The following YEATS2 variants were observed in gnomAD, a reference collection of about 807,000 sequenced individuals.
YEATS2 encodes the protein YEATS domain containing 2.
In YEATS2, 77 loss-of-function variants were observed where a neutral mutation model predicts 163.2. The observed-to-expected ratio is 0.47, with a 90% CI of 0.39 to 0.57. The LOEUF (loss-of-function observed/expected upper bound fraction) is 0.57, where lower values mean the gene tolerates loss of function less well. Among genes scored for constraint, YEATS2 ranks in the 20% least tolerant of loss-of-function variants. The pLI, the probability that YEATS2 is intolerant of heterozygous loss-of-function variation, is 0.00. For synonymous variants in YEATS2, 631 were observed against 645.1 expected, an observed-to-expected ratio of 0.98 and a Z score of 0.33; for missense variants, 1,549 against 1,729.8, an observed-to-expected ratio of 0.90 and a Z score of 1.85.
intron 13 of YEATS2, among the ~76,000 whole-genome samples, chr3:183,759,966 G>A (rs900355154): frequency 6.6e-6 from 1 of 152,164 alleles, no homozygotes; most frequent in Non-Finnish European, 1.5e-5. Flanking sequence ...CTTTTTCTGG[G>A]TAAGCAGTCC....
intron 1 of YEATS2, among the ~76,000 whole-genome samples, chr3:183,703,960 ACCCT>A (rs963337974): frequency 4.3e-4 from 65 of 151,962 alleles, no homozygotes; most frequent in African/African-American, 1.5e-3. Flanking sequence ...CAGGAGTTCA[ACCCT>A]CCCTCTACTA....
intron 1 of YEATS2, among the ~76,000 whole-genome samples, chr3:183,706,641 AC>A (rs1219989289): frequency 2.6e-5 from 4 of 152,094 alleles, no homozygotes; most frequent in African/African-American, 7.2e-5. Context: ...ACATGGAGAA[AC>A]CCCGTCTCTA....
In YEATS2 at chr3:183,810,686, A is replaced by T. The variant is rs1726722495; in HGVS notation, c.*103A>T. ...GAGGTGGTTTCCAGTGTGACTCGGCATGTCATGGCTACCCAACCTTTGCCG... is the reference window on the plus strand; with the variant it reads ...GAGGTGGTTTCCAGTGTGACTCGGCTTGTCATGGCTACCCAACCTTTGCCG... On this transcript the variant is annotated 3_prime_UTR_variant, in exon 31 of 31. Coordinates refer to ENST00000305135, the MANE Select transcript of YEATS2 (RefSeq NM_018023.5). The T allele has an allele frequency of 9.5e-7, 1 of 1,052,932 alleles. No individual in the cohort carries two copies. Among genetic ancestry groups the T allele is most frequent in the Non-Finnish European group, 1.4e-6 (1 of 700,424 alleles). 65.2% of individuals were successfully genotyped at this position (1,052,932 alleles called of 1,614,324 possible).
intron 20 of YEATS2, among the ~76,000 whole-genome samples, chr3:183,789,599 G>A (rs529653458): frequency 8.7e-4 from 114 of 131,424 alleles, no homozygotes; most frequent in South Asian, 1.5e-3. Context: ...GCAGTGGCGC[G>A]ATCTCGGCTC....
intron 8 of YEATS2, among the ~76,000 whole-genome samples, chr3:183,746,908 CTT>C (rs572563110): frequency 2.0e-5 from 3 of 148,772 alleles, no homozygotes; most frequent in Non-Finnish European, 1.5e-5. Context: ...TTTTCCCTCT[CTT>C]TTTTTTTTCT....
intron 10 of YEATS2, among the ~76,000 whole-genome samples, chr3:183,753,116 C>T (rs997997272): frequency 2.6e-5 from 4 of 152,072 alleles, no homozygotes; most frequent in African/African-American, 9.7e-5. Context: ...ATTTTTATCA[C>T]TTGATAATTC....
chr3:183,771,265 G>C (rs1370554879), intron 15 of YEATS2, among the ~76,000 whole-genome samples: 1 of 152,162 alleles, frequency 6.6e-6, no homozygotes, highest in African/African-American at 2.4e-5. Flanking sequence ...TAAGAAGGTA[G>C]ATCATTTGCA....
At chr3:183,762,910 G>T (rs552395478) in intron 15 of YEATS2, among the ~76,000 whole-genome samples, 16 of 152,016 alleles carry the variant, frequency 1.1e-4, no homozygotes, top group Non-Finnish European at 2.4e-4. Context: ...TATTAGCGGG[G>T]TGTGGTGGCA....
At chr3:183,738,541 A>G in intron 8 of YEATS2, among the ~76,000 whole-genome samples, 1 of 119,070 alleles carries the variant, frequency 8.4e-6, no homozygotes, top group Non-Finnish European at 1.7e-5. Context: ...TCCCAATGCT[A>G]TCCCTCCCCC....
chr3:183,762,406 C>T, intron 15 of YEATS2, 127 bp downstream of exon 15: 4 of 1,231,252 alleles, frequency 3.2e-6, no homozygotes, highest in Non-Finnish European at 4.4e-6. Context: ...GGGTGAAAGC[C>T]TAGTTGGAAA....
intron 9 of YEATS2, among the ~76,000 whole-genome samples, chr3:183,751,586 G>C (rs1169240807): frequency 6.6e-6 from 1 of 152,180 alleles, no homozygotes. Flanking sequence ...TAGTGGCATT[G>C]AAAATGGGGA....
Position 183,808,107 on chromosome 3 carries a change from G to T in YEATS2, c.4086+3G>T. 6.4e-7 allele frequency: 1 copy of T among 1,551,868 alleles called. No individual in the cohort carries two copies. Among genetic ancestry groups the T allele is most frequent in the Non-Finnish European group, 8.7e-7 (1 of 1,146,668 alleles). ...TGGTGGAGGACATGATCCTGAAGGTGGGTGCCTGCAGGGGCCGCCAGCCAG... is the reference window on the plus strand; with the variant it reads ...TGGTGGAGGACATGATCCTGAAGGTTGGTGCCTGCAGGGGCCGCCAGCCAG... On this transcript the variant is annotated splice_donor_region_variant and intron_variant, in intron 29 of 30. Coordinates refer to ENST00000305135, the MANE Select transcript of YEATS2 (RefSeq NM_018023.5).
chr3:183,786,954 A>G (rs774901239), intron 20 of YEATS2, among the ~76,000 whole-genome samples: 2 of 151,896 alleles, frequency 1.3e-5, no homozygotes, highest in Non-Finnish European at 2.9e-5. Context: ...ATTATAAGGT[A>G]ACTTTTTTTG....
At chr3:183,720,126 G>C (rs1348728222) in intron 4 of YEATS2, among the ~76,000 whole-genome samples, 1 of 152,104 alleles carries the variant, frequency 6.6e-6, no homozygotes, top group East Asian at 1.9e-4. Flanking sequence ...TAGCATATCA[G>C]CAGGCACCTA....
intron 1 of YEATS2, among the ~76,000 whole-genome samples, chr3:183,710,195 C>A (rs1178514390): frequency 6.6e-6 from 1 of 152,172 alleles, no homozygotes; most frequent in Admixed American, 6.6e-5. Flanking sequence ...AGAGGATTAG[C>A]TGGACATTTT....
chr3:183,762,045 T>C, intron 14 of YEATS2, 52 bp from the exon 15 acceptor site: 1 of 1,611,706 alleles, frequency 6.2e-7, no homozygotes, highest in Non-Finnish European at 8.5e-7. Context: ...AGCAGCTTTA[T>C]AAAATGGGAT....
At chr3:183,762,553 A>G (rs969428010) in intron 15 of YEATS2, among the ~76,000 whole-genome samples, 1 of 152,172 alleles carries the variant, frequency 6.6e-6, no homozygotes, top group African/African-American at 2.4e-5. Flanking sequence ...GGCAGAGCTG[A>G]CTCATGGGCA....
intron 8 of YEATS2, among the ~76,000 whole-genome samples, chr3:183,742,485 TAGC>T (rs891722795): frequency 6.6e-6 from 1 of 152,192 alleles, no homozygotes; most frequent in African/African-American, 2.4e-5. Flanking sequence ...ATGGTGGAAA[TAGC>T]AGGAGTACAA....
intron 8 of YEATS2, among the ~76,000 whole-genome samples, chr3:183,743,382 C>G (rs1271017701): frequency 6.6e-6 from 1 of 152,020 alleles, no homozygotes; most frequent in African/African-American, 2.4e-5. Flanking sequence ...CACTGTTGCC[C>G]AGGCTAGAGT....
Sources: gnomAD v4.1 joint callset for allele counts (sites outside exome capture counted in the v4.1 genomes callset) on GRCh38, gnomAD v4.1.1 for gene constraint, MANE v1.5 for transcripts, NCBI Gene and HGNC (gene_info 2026-07-23, HGNC 2026-07-21) for gene names.